The following PDCD6IP variants were observed in gnomAD, a reference collection of about 807,000 sequenced individuals.
The protein encoded by PDCD6IP is programmed cell death 6 interacting protein, also known as programmed cell death 6-interacting protein.
Under a neutral mutation model 103.7 loss-of-function variants are expected in PDCD6IP, and 43 were observed. The ratio of observed to expected loss-of-function variants is 0.41; its 90% CI spans 0.32 to 0.53. The LOEUF is 0.53. Ranked by LOEUF, PDCD6IP falls within the 20% of genes least tolerant of loss-of-function variation. The pLI, the probability that PDCD6IP is intolerant of heterozygous loss-of-function variation, is 0.16. For missense variants in PDCD6IP, 871 were observed against 1,036.7 expected, an observed-to-expected ratio of 0.84 and a Z score of 2.20; for synonymous variants, 354 against 378.7, an observed-to-expected ratio of 0.93 and a Z score of 0.76.
At chr3:33,800,753 TGTG>T (rs1696458802) in intron 1 of PDCD6IP, among the ~76,000 whole-genome samples, 1 of 152,138 alleles carries the variant, frequency 6.6e-6, no homozygotes, top group South Asian at 2.1e-4. Flanking sequence ...AAAACATAGT[TGTG>T]GTATAATGAG....
chr3:33,853,099 A>T (rs1385357582), intron 13 of PDCD6IP, among the ~76,000 whole-genome samples: 2 of 151,818 alleles, frequency 1.3e-5, no homozygotes, highest in Non-Finnish European at 2.9e-5. Context: ...AATTTTTTGT[A>T]TTTTTAGTAG....
At chr3:33,806,082 A>G (rs1246672168) in intron 1 of PDCD6IP, among the ~76,000 whole-genome samples, 1 of 151,960 alleles carries the variant, frequency 6.6e-6, no homozygotes, top group Non-Finnish European at 1.5e-5. Context: ...TCCTGTACCT[A>G]TTTGTGGTAT....
chr3:33,802,461 A>G (rs931586131), intron 1 of PDCD6IP, among the ~76,000 whole-genome samples: 1 of 151,230 alleles, frequency 6.6e-6, no homozygotes. Context: ...CCTTAGTTAT[A>G]TTTGATATCT....
intron 2 of PDCD6IP, 45 bp downstream of exon 2, chr3:33,812,171 A>G (rs755088342): frequency 1.8e-5 from 29 of 1,567,816 alleles, no homozygotes; most frequent in Middle Eastern, 1.7e-4. Flanking sequence ...AATAGCACCC[A>G]TTTCCTTCTG....
At chr3:33,861,957 T>C (rs1466710885) in intron 15 of PDCD6IP, among the ~76,000 whole-genome samples, 1 of 152,178 alleles carries the variant, frequency 6.6e-6, no homozygotes, top group Non-Finnish European at 1.5e-5. Context: ...ATAGTACTAG[T>C]GGCATTTTAT....
At chr3:33,832,205 G>A (rs1316275878) in intron 7 of PDCD6IP, among the ~76,000 whole-genome samples, 1 of 152,094 alleles carries the variant, frequency 6.6e-6, no homozygotes, top group East Asian at 1.9e-4. Flanking sequence ...TTTACAGATG[G>A]CCTTCTCTCT....
At chr3:33,803,901 TCA>T (rs1441297756) in intron 1 of PDCD6IP, among the ~76,000 whole-genome samples, 1 of 152,232 alleles carries the variant, frequency 6.6e-6, no homozygotes, top group East Asian at 1.9e-4. Context: ...TATTTTTTTC[TCA>T]GTCTGTATTG....
chr3:33,863,654 A>G (rs1180055350), intron 15 of PDCD6IP, among the ~76,000 whole-genome samples: 1 of 152,132 alleles, frequency 6.6e-6, no homozygotes, highest in Non-Finnish European at 1.5e-5. Context: ...CACTATATCC[A>G]TTTATCTGCT....
chr3:33,798,733 C>G lies in PDCD6IP; in HGVS notation c.5C>G (p.Ala2Gly), dbSNP rs552254221. ...ACGGCGGCGGAGGCGCTGATCATGG[C>G]GACATTCATCTCGGTGCAGCTGAAA... M[A>G]TFISVQLKKT... is the part of the protein sequence containing the mutation. Residue 2 changes from alanine to glycine, a missense_variant, in exon 1 of 18, where the codon GCG becomes GGG. Physicochemically the swap from Ala to Gly is moderately conservative, Grantham distance 60. This residue lies in a region of PDCD6IP where 114 missense variants were observed against 106.7 expected (regional missense o/e 1.07). Transcript: ENST00000307296. The G allele has an allele frequency of 1.3e-6, 2 of 1,557,610 alleles. No homozygotes were observed. Among genetic ancestry groups the G allele is most frequent in the African/African-American group, 2.7e-5 (2 of 73,270 alleles).
At chr3:33,811,964 G>T in intron 1 of PDCD6IP, 108 bp from the exon 2 acceptor site, 3 of 1,373,496 alleles carry the variant, frequency 2.2e-6, no homozygotes, top group Non-Finnish European at 2.9e-6. Context: ...TAAAATAGCT[G>T]CTCAAAGTAA....
chr3:33,837,056 G>C (rs1199495930), intron 8 of PDCD6IP, among the ~76,000 whole-genome samples: 1 of 151,648 alleles, frequency 6.6e-6, no homozygotes, highest in African/African-American at 2.4e-5. Context: ...AAGTAGCTGG[G>C]ACTACAGGCG....
intron 1 of PDCD6IP, 97 bp downstream of exon 1, chr3:33,799,034 G>T: frequency 8.4e-7 from 1 of 1,193,798 alleles, no homozygotes; most frequent in Non-Finnish European, 1.1e-6. Context: ...TAACCTGGGC[G>T]GAGCCGCCCC....
At chr3:33,858,583 G>A (rs753340017) in intron 15 of PDCD6IP, among the ~76,000 whole-genome samples, 9 of 152,140 alleles carry the variant, frequency 5.9e-5, no homozygotes, top group Non-Finnish European at 1.2e-4. Flanking sequence ...GGCTGAGGCG[G>A]GCGGATCACG....
At chr3:33,811,421 G>A (rs1210382994) in intron 1 of PDCD6IP, among the ~76,000 whole-genome samples, 1 of 152,202 alleles carries the variant, frequency 6.6e-6, no homozygotes, top group Non-Finnish European at 1.5e-5. Flanking sequence ...AAGGAGGAAA[G>A]ATTAGAGGCC....
chr3:33,833,583 A>G (rs1411170786), intron 7 of PDCD6IP, among the ~76,000 whole-genome samples: 3 of 152,178 alleles, frequency 2.0e-5, no homozygotes, highest in Non-Finnish European at 2.9e-5. Flanking sequence ...CTATTTGGCT[A>G]TCACTCACTC....
chr3:33,830,765 T>G (rs1361893872), intron 7 of PDCD6IP, among the ~76,000 whole-genome samples: 1 of 152,158 alleles, frequency 6.6e-6, no homozygotes, highest in East Asian at 1.9e-4. Context: ...GGACAGTTAT[T>G]CTTTCCGGTA....
chr3:33,814,707 GTATA>G (rs943345517), intron 3 of PDCD6IP, among the ~76,000 whole-genome samples: 1 of 144,450 alleles, frequency 6.9e-6, no homozygotes, highest in African/African-American at 2.5e-5. Context: ...ATATATGTAT[GTATA>G]TATGTAAGTA....
In PDCD6IP at chr3:33,864,052, C is replaced by A; in HGVS notation, c.2167C>A (p.Pro723Thr). The change falls in exon 16 of 18, where the codon CCT becomes ACT. Residue 723 changes from proline to threonine, a missense_variant. Physicochemically the swap from Pro to Thr is conservative, Grantham distance 38. Coordinates refer to ENST00000307296, the MANE Select transcript of PDCD6IP (RefSeq NM_013374.6). ...CAGAGAACCTAGTGCTCCTTCAATT[C>A]CTACACCTGCGTATCAGTCCTCACC... The part of the protein sequence containing the change: ...IAREPSAPSI[P>T]TPAYQSSPAG... The A allele has an allele frequency of 1.2e-6, 2 of 1,614,034 alleles. No homozygotes were observed. Among genetic ancestry groups the A allele is most frequent in the Non-Finnish European group, 1.7e-6 (2 of 1,179,934 alleles).
intron 3 of PDCD6IP, among the ~76,000 whole-genome samples, chr3:33,817,529 G>C (rs911655236): frequency 6.6e-6 from 1 of 152,118 alleles, no homozygotes; most frequent in Non-Finnish European, 1.5e-5. Flanking sequence ...CAAGACAGGT[G>C]GATCACTTGA....
Sources: allele counts gnomAD v4.1 joint callset (sites outside exome capture counted in the v4.1 genomes callset), GRCh38; gene constraint gnomAD v4.1.1; regional missense constraint gnomAD v4.1.1; transcripts MANE v1.5; gene names NCBI Gene and HGNC (gene_info 2026-07-23, HGNC 2026-07-21).